The following DNAJC10 variants were observed in gnomAD, a reference collection of about 807,000 sequenced individuals.
DNAJC10 encodes DnaJ heat shock protein family (Hsp40) member C10, also known as endoplasmic reticulum disulfide reductase DNAJC10.
In DNAJC10, 101 loss-of-function variants were observed where a neutral mutation model predicts 115.0. The ratio of observed to expected loss-of-function variants is 0.88; its 90% confidence interval spans 0.75 to 1.04. DNAJC10 has a LOEUF of 1.04. Among genes scored for constraint, DNAJC10 ranks in the 50% least tolerant of loss-of-function variants. The pLI, the probability that DNAJC10 is intolerant of heterozygous loss-of-function variation, is 0.00. For missense variants in DNAJC10, 981 were observed against 928.8 expected, an observed-to-expected ratio of 1.06 and a Z score of -0.73; for synonymous variants, 307 against 301.5, an observed-to-expected ratio of 1.02 and a Z score of -0.19.
At chr2:182,729,155 A>AT (rs112024053) in intron 7 of DNAJC10, 161 bp downstream of exon 7, 15,967 of 622,932 alleles carry the variant, frequency 0.026, 5 homozygotes, top group East Asian at 0.032. Context: ...TGGATTATGA[A>AT]TTTTTTTTTT....
intron 12 of DNAJC10, among the ~76,000 whole-genome samples, chr2:182,740,594 A>G (rs1693708606): frequency 6.6e-6 from 1 of 152,152 alleles, no homozygotes; most frequent in African/African-American, 2.4e-5. Flanking sequence ...AGTTCTGGAA[A>G]ACCTACTCAG....
In DNAJC10 at chr2:182,768,465, T is replaced by C. The variant is rs145918545; in HGVS notation, c.2265+5664T>C. Among the ~76,000 whole-genome samples the C allele has an allele frequency of 2.0e-3, 310 of 152,228 alleles. 2 individuals are homozygous for C. The highest frequency in any genetic ancestry group is 7.2e-3 in the African/African-American group (301 of 41,540). On this transcript the variant is annotated intron_variant, in intron 22 of 23. Coordinates refer to ENST00000264065, the MANE Select transcript of DNAJC10 (RefSeq NM_018981.4). ...TAGGAACCAAACATCCCTGTCCAAA[T>C]TGAAAGACAAGGGTAGCATTCAGCC...
intron 5 of DNAJC10, among the ~76,000 whole-genome samples, chr2:182,723,247 T>G (rs986017064): frequency 5.9e-5 from 9 of 152,102 alleles, no homozygotes; most frequent in Non-Finnish European, 1.2e-4. Context: ...GATTTCACCA[T>G]GTTGGCCAGG....
intron 5 of DNAJC10, among the ~76,000 whole-genome samples, chr2:182,722,794 G>A (rs1181814881): frequency 6.6e-6 from 1 of 151,868 alleles, no homozygotes; most frequent in Non-Finnish European, 1.5e-5. Context: ...ACAAAAATTA[G>A]GTGTGCCTGG....
intron 13 of DNAJC10, among the ~76,000 whole-genome samples, chr2:182,743,396 C>G (rs754845316): frequency 1.3e-4 from 20 of 151,930 alleles, no homozygotes; most frequent in Non-Finnish European, 2.1e-4. Context: ...TTTTTTAACT[C>G]TCTAGGAAGC....
At chr2:182,743,383 G>GT (rs570045968) in intron 13 of DNAJC10, among the ~76,000 whole-genome samples, 103 of 151,762 alleles carry the variant, frequency 6.8e-4, no homozygotes, top group African/African-American at 2.2e-3. Context: ...AATTCCTCAG[G>GT]TTTTTTTTAA....
intron 22 of DNAJC10, among the ~76,000 whole-genome samples, chr2:182,763,149 A>G (rs1412663581): frequency 2.0e-5 from 3 of 152,230 alleles, no homozygotes; most frequent in African/African-American, 7.2e-5. Flanking sequence ...TGAGGTCACT[A>G]AGAATACTCT....
chr2:182,764,892 A>G (rs1032898088), intron 22 of DNAJC10, among the ~76,000 whole-genome samples: 5 of 152,162 alleles, frequency 3.3e-5, no homozygotes, highest in Non-Finnish European at 2.9e-5. Flanking sequence ...TGATAGAACT[A>G]TTGGAGGGAC....
intron 22 of DNAJC10, among the ~76,000 whole-genome samples, chr2:182,773,648 C>G (rs138696357): frequency 6.6e-6 from 1 of 152,210 alleles, no homozygotes; most frequent in African/African-American, 2.4e-5. Context: ...CATGTGTCAC[C>G]AAGTTCTTGT....
intron 13 of DNAJC10, among the ~76,000 whole-genome samples, chr2:182,743,167 C>G (rs1307725238): frequency 6.6e-6 from 1 of 152,110 alleles, no homozygotes; most frequent in Non-Finnish European, 1.5e-5. Context: ...CTTAATGGAT[C>G]TTCTCTCTTA....
chr2:182,776,146 AAAAT>A (rs1694698151), intron 23 of DNAJC10, among the ~76,000 whole-genome samples: 1 of 152,216 alleles, frequency 6.6e-6, no homozygotes, highest in African/African-American at 2.4e-5. Flanking sequence ...CATTAAAAAA[AAAAT>A]AGTGACTGTG....
intron 21 of DNAJC10, among the ~76,000 whole-genome samples, chr2:182,761,111 AAG>A (rs1694275355): frequency 6.6e-6 from 1 of 152,186 alleles, no homozygotes; most frequent in Admixed American, 6.6e-5. Flanking sequence ...GATGAAAAGA[AAG>A]AAATTCCATG....
intron 5 of DNAJC10, among the ~76,000 whole-genome samples, chr2:182,726,644 A>G (rs1442398428): frequency 3.9e-5 from 6 of 152,198 alleles, no homozygotes; most frequent in Admixed American, 3.9e-4. Flanking sequence ...CCAACCTTAC[A>G]CAACCACCAC....
intron 22 of DNAJC10, among the ~76,000 whole-genome samples, chr2:182,763,385 A>G (rs1431190858): frequency 1.3e-5 from 2 of 152,138 alleles, no homozygotes; most frequent in African/African-American, 4.8e-5. Context: ...GAATGCCAAG[A>G]ATGAGTTCTC....
chr2:182,718,862 A>G (rs1456973944), intron 3 of DNAJC10, among the ~76,000 whole-genome samples: 5 of 152,116 alleles, frequency 3.3e-5, no homozygotes, highest in South Asian at 4.1e-4. Context: ...TTTAATTTTT[A>G]TGGTGTTTTT....
intron 22 of DNAJC10, among the ~76,000 whole-genome samples, chr2:182,773,343 G>A (rs1694616836): frequency 1.3e-5 from 2 of 152,180 alleles, no homozygotes; most frequent in African/African-American, 4.8e-5. Flanking sequence ...TATCTTTGTG[G>A]TGTTCTCTGT....
At position 182,793,714 on chromosome 2, in the gene DNAJC10, G is replaced by A. The variant is rs758443404; in HGVS notation, c.*16582G>A. On this transcript the variant is annotated 3_prime_UTR_variant, in exon 24 of 24. Coordinates refer to ENST00000264065, the MANE Select transcript of DNAJC10 (RefSeq NM_018981.4). Reference sequence around the variant, plus strand: ...TCAGTTTATTTAAGTACTAAATTAGGTTGCAATTTATTACATGGGAACTCA... The same window carrying A: ...TCAGTTTATTTAAGTACTAAATTAGATTGCAATTTATTACATGGGAACTCA... 1.3e-5 allele frequency: 2 copies of A among 151,850 alleles called. No homozygotes were observed. Among genetic ancestry groups the A allele is most frequent in the South Asian group, 2.1e-4 (1 of 4,802 alleles). 9.4% of individuals were successfully genotyped at this position (151,850 alleles called of 1,614,324 possible). A position where few individuals can be genotyped will look rare whatever the true frequency, so the allele number is the denominator to read the frequency against.
rs1226457456 is a variant in DNAJC10 at position 182,716,267 on chromosome 2, C to A, written c.-420C>A. On this transcript the variant is annotated 5_prime_UTR_variant, in exon 1 of 24. Transcript: ENST00000264065. ...CGCGCCAGGCCCCGCCCCGGCTCGC[C>A]GTGGAGACCGGCGCGTGAGGAACCT... The A allele has an allele frequency of 1.3e-5, 2 of 152,416 alleles. No homozygotes were observed. The highest frequency in any genetic ancestry group is 2.9e-5 in the Non-Finnish European group (2 of 68,192). 9.4% of individuals were successfully genotyped at this position (152,416 alleles called of 1,614,324 possible).
rs1695085782 is a variant in DNAJC10 at position 182,793,324 on chromosome 2, A to C, written c.*16192A>C. The C allele has an allele frequency of 6.6e-6, 1 of 152,190 alleles. No individual in the cohort carries two copies. Among genetic ancestry groups the C allele is most frequent in the Non-Finnish European group, 1.5e-5 (1 of 68,038 alleles). 9.4% of individuals were successfully genotyped at this position (152,190 alleles called of 1,614,324 possible). A position where few individuals can be genotyped will look rare whatever the true frequency, so the allele number is the denominator to read the frequency against. On this transcript the variant is annotated 3_prime_UTR_variant, in exon 24 of 24. Transcript: ENST00000264065. Reference sequence around the variant, plus strand: ...CACTTGTAAGGACTTTAGCTTTCTAACTTTTGTAAGGACTTCAACTTCTAC... The same window carrying C: ...CACTTGTAAGGACTTTAGCTTTCTACCTTTTGTAAGGACTTCAACTTCTAC...
Sources: gnomAD v4.1 joint callset for allele counts (sites outside exome capture counted in the v4.1 genomes callset) on GRCh38, gnomAD v4.1.1 for gene constraint, MANE v1.5 for transcripts, NCBI Gene and HGNC (gene_info 2026-07-23, HGNC 2026-07-21) for gene names.